Variants in ZFP30 observed in about 807,000 individuals in gnomAD.
ZFP30 encodes zinc finger protein 30 homolog.
ZFP30 carries 16 observed loss-of-function variants against 12.3 expected under a neutral mutation model. That is an observed-to-expected ratio of 1.30 (90% CI 0.88 to 1.98). The LOEUF is 1.98. ZFP30 is among the 30% of genes most tolerant of loss of function. The probability of loss-of-function intolerance (pLI) is 0.00; values close to 1 mark genes in which losing one functional copy is unlikely to be tolerated. For synonymous variants in ZFP30, 172 were observed against 201.0 expected (o/e 0.86, Z 1.22); for missense variants, 560 against 611.2 (o/e 0.92, Z 0.88).
intron 5 of ZFP30, among the ~76,000 whole-genome samples, chr19:37,640,155 G>A (rs1249225169): frequency 6.6e-6 from 1 of 152,106 alleles, no homozygotes; most frequent in African/African-American, 2.4e-5. Flanking sequence ...AAAAATTCAA[G>A]AATTCTGCCC....
chr19:37,656,032 G>A (rs1485430072), upstream of ZFP30: 3 of 152,502 alleles, frequency 2.0e-5, no homozygotes, highest in Non-Finnish European at 4.4e-5. Flanking sequence ...TTGGATGGAG[G>A]AAACCCCAGT....
chr19:37,645,569 A>T, intron 3 of ZFP30, among the ~76,000 whole-genome samples: 1 of 148,824 alleles, frequency 6.7e-6, no homozygotes, highest in African/African-American at 2.5e-5. Flanking sequence ...TTTGCCCACC[A>T]CTGCTATGGC....
intron 4 of ZFP30, among the ~76,000 whole-genome samples, chr19:37,644,095 C>CT (rs1384764109): frequency 2.0e-5 from 3 of 152,080 alleles, no homozygotes; most frequent in Non-Finnish European, 4.4e-5. Context: ...CCATGAGTGT[C>CT]TAAGAATTTA....
At chr19:37,653,766 C>T (rs537964023) in intron 2 of ZFP30, among the ~76,000 whole-genome samples, 2 of 152,242 alleles carry the variant, frequency 1.3e-5, no homozygotes, top group South Asian at 4.1e-4. Flanking sequence ...TAGACTTCCT[C>T]GCTCCACTGA....
upstream of ZFP30, chr19:37,655,648 C>T (rs547192489): frequency 1.3e-5 from 2 of 152,528 alleles, no homozygotes; most frequent in African/African-American, 4.8e-5. Flanking sequence ...CTGTAATGGC[C>T]GCCCCGTGAC....
rs2044225311 is a variant in ZFP30 at position 37,631,082 on chromosome 19, A to G, written c.*3899T>C. 1 of 152,246 alleles carries G rather than the reference A, an allele frequency of 6.6e-6. No homozygotes were observed. Among genetic ancestry groups the G allele is most frequent in the Admixed American group, 6.5e-5 (1 of 15,282 alleles). The allele number at this position is 152,246 out of a possible 1,614,324, so 9.4% of individuals were successfully genotyped here. On this transcript the variant is annotated 3_prime_UTR_variant, in exon 6 of 6. Coordinates refer to ENST00000684514, the MANE Select transcript of ZFP30 (RefSeq NM_001320669.3). The stretch of plus-strand genomic sequence containing the variant: ...CAGAAAGAACAGGTGACTTTAGAAC[A>G]TGATGCCACATCCAGGGAAACATAC...
chr19:37,650,674 C>T (rs1487808743), intron 2 of ZFP30, among the ~76,000 whole-genome samples: 3 of 152,110 alleles, frequency 2.0e-5, no homozygotes, highest in Non-Finnish European at 2.9e-5. Context: ...CTTTTACCTA[C>T]TCAACTCCCA....
chr19:37,644,853 CAGG>C, intron 3 of ZFP30, 117 bp from the exon 4 acceptor site: 2 of 1,034,102 alleles, frequency 1.9e-6, no homozygotes, highest in Admixed American at 2.8e-5. Flanking sequence ...GAGCCTGAAG[CAGG>C]AGGACTGCTT....
intron 4 of ZFP30, 181 bp downstream of exon 4, chr19:37,644,429 G>A (rs897004281): frequency 8.5e-6 from 4 of 468,126 alleles, no homozygotes; most frequent in Non-Finnish European, 1.5e-5. Context: ...AGCTACTCGG[G>A]AGGCTGAGGC....
Position 37,633,178 on chromosome 19 carries a change from A to G in ZFP30, c.*1803T>C, listed in dbSNP as rs368442097. The G allele has an allele frequency of 2.6e-5, 4 of 152,228 alleles. No individual in the cohort carries two copies. In the East Asian group the frequency reaches 5.8e-4, roughly 22 times the overall value. 9.4% of individuals were successfully genotyped at this position (152,228 alleles called of 1,614,324 possible). A position where few individuals can be genotyped will look rare whatever the true frequency, so the allele number is the denominator to read the frequency against. ...AGAGCGAGACTCCGTCTCAAAAAAA[A>G]AAAAAAAAAAGGTGCATACCATGGG... On this transcript the variant is annotated 3_prime_UTR_variant, in exon 6 of 6. Coordinates refer to ENST00000684514, the MANE Select transcript of ZFP30 (RefSeq NM_001320669.3).
At chr19:37,652,563 C>T (rs1400136074) in intron 2 of ZFP30, among the ~76,000 whole-genome samples, 2 of 151,938 alleles carry the variant, frequency 1.3e-5, no homozygotes, top group Non-Finnish European at 2.9e-5. Flanking sequence ...AGCGAAACTC[C>T]ACCTCAAAAA....
At chr19:37,648,002 C>A (rs970174982) in intron 2 of ZFP30, 103 bp from the exon 3 acceptor site, 4 of 628,660 alleles carry the variant, frequency 6.4e-6, no homozygotes, top group African/African-American at 3.7e-5. Flanking sequence ...ACTCCCACCC[C>A]CAACACACAG....
chr19:37,635,534 C>G lies in ZFP30; in HGVS notation c.1007G>C (p.Arg336Thr). The part of the protein sequence containing the change: ...YECKECGKAF[R>T]VRQQLTLHQR... The stretch of plus-strand genomic sequence containing the variant: ...ATGGAGAGTAAGTTGCTGCCGCACT[C>G]TAAAGGCCTTTCCACACTCCTTACA... The change falls in exon 6 of 6, where the codon AGA (arginine) becomes ACA (threonine). Residue 336 changes from arginine to threonine, a missense_variant. Coordinates refer to ENST00000684514, the MANE Select transcript of ZFP30 (RefSeq NM_001320669.3). The G allele has an allele frequency of 6.2e-7, 1 of 1,614,168 alleles. No homozygotes were observed. The highest frequency in any genetic ancestry group is 8.5e-7 in the Non-Finnish European group (1 of 1,180,044).
In ZFP30 at chr19:37,632,548, AT is replaced by A. The variant is rs1381303741; in HGVS notation, c.*2432del. 1 of 152,204 alleles carries A rather than the reference AT, an allele frequency of 6.6e-6. No individual in the cohort carries two copies. Among genetic ancestry groups the A allele is most frequent in the Non-Finnish European group, 1.5e-5 (1 of 68,050 alleles). The allele number at this position is 152,204 out of a possible 1,614,324, so 9.4% of individuals were successfully genotyped here. On this transcript the variant is annotated 3_prime_UTR_variant, in exon 6 of 6. Transcript: ENST00000684514. ...CAATAGAAATACGTGAGCTACATATATAAATTTTCCTATAACAATTTTAAAA... is the reference window on the plus strand; with the variant it reads ...CAATAGAAATACGTGAGCTACATATAAAATTTTCCTATAACAATTTTAAAA...
chr19:37,641,618 C>G (rs2044437087), intron 5 of ZFP30, among the ~76,000 whole-genome samples: 1 of 152,138 alleles, frequency 6.6e-6, no homozygotes, highest in Non-Finnish European at 1.5e-5. Flanking sequence ...TTCATGTGTA[C>G]AAAGTTTGCA....
intron 2 of ZFP30, among the ~76,000 whole-genome samples, chr19:37,653,020 G>A (rs1289381696): frequency 6.6e-6 from 1 of 151,652 alleles, no homozygotes; most frequent in African/African-American, 2.4e-5. Context: ...GGGAGGCTGA[G>A]GCAGGAGAAT....
chr19:37,644,867 G>C, intron 3 of ZFP30, 131 bp from the exon 4 acceptor site: 11 of 884,952 alleles, frequency 1.2e-5, no homozygotes, highest in African/African-American at 1.7e-5. Flanking sequence ...AGGACTGCTT[G>C]AGGCCAGGAG....
chr19:37,644,577 CTAAAT>C, intron 4 of ZFP30, 28 bp downstream of exon 4: 1 of 1,534,866 alleles, frequency 6.5e-7, no homozygotes, highest in Non-Finnish European at 8.7e-7. Flanking sequence ...CTGTGAATGT[CTAAAT>C]TATCTGACAC....
At chr19:37,637,182 T>A (rs2044344685) in intron 5 of ZFP30, among the ~76,000 whole-genome samples, 1 of 151,764 alleles carries the variant, frequency 6.6e-6, no homozygotes, top group Admixed American at 6.6e-5. Flanking sequence ...TCCCAGTCAC[T>A]TCTTTCTTTT....
Sources: gnomAD v4.1 joint callset for allele counts (sites outside exome capture counted in the v4.1 genomes callset) on GRCh38, gnomAD v4.1.1 for gene constraint, MANE v1.5 for transcripts, NCBI Gene and HGNC (gene_info 2026-07-23, HGNC 2026-07-21) for gene names.